Variants in N4BP2L2 observed in about 807,000 individuals in gnomAD.
N4BP2L2 encodes the protein NEDD4 binding protein 2 like 2.
In N4BP2L2, 50 loss-of-function variants were observed where a neutral mutation model predicts 56.2. That is an observed-to-expected ratio of 0.89 (90% confidence interval 0.71 to 1.13). N4BP2L2 has a LOEUF of 1.13. Among genes scored for constraint, N4BP2L2 ranks in the 50% most tolerant of loss-of-function variants. N4BP2L2 has a pLI of 0.00. For synonymous variants in N4BP2L2, 203 were observed against 223.6 expected (o/e 0.91, Z 0.82); for missense variants, 689 against 693.8 (o/e 0.99, Z 0.08).
At chr13:32,517,747 C>T (rs1051765663) in exon 6 of N4BP2L2, 5 of 1,590,996 alleles carry the variant, frequency 3.1e-6, no homozygotes, top group Admixed American at 3.5e-5. Context: ...CCAAGACAGG[C>T]TCACTAACTC....
chr13:32,450,870 T>TTCTC (rs534768522), intron 6 of N4BP2L2, among the ~76,000 whole-genome samples: 3,381 of 59,880 alleles, frequency 0.056, 84 homozygotes, highest in Middle Eastern at 0.08. Context: ...CCCCATCCCC[T>TTCTC]TCTCTCTCTC....
chr13:32,436,856 A>ATATC (rs1555233048), intron 8 of N4BP2L2, among the ~76,000 whole-genome samples: 92 of 139,346 alleles, frequency 6.6e-4, no homozygotes, highest in Non-Finnish European at 1.2e-3. Flanking sequence ...TAAATATCTA[A>ATATC]TATCTATCTA....
intron 6 of N4BP2L2, among the ~76,000 whole-genome samples, chr13:32,445,175 C>T (rs1593430181): frequency 6.6e-6 from 1 of 152,022 alleles, no homozygotes. Context: ...CACTTGAACC[C>T]GGGAGGCACA....
chr13:32,501,990 A>G (rs2090096347), intron 6 of N4BP2L2, among the ~76,000 whole-genome samples: 1 of 152,134 alleles, frequency 6.6e-6, no homozygotes, highest in African/African-American at 2.4e-5. Context: ...ATCTATGCCA[A>G]TGAGGAATAT....
chr13:32,497,343 C>T (rs1593873221), intron 6 of N4BP2L2, among the ~76,000 whole-genome samples: 1 of 152,222 alleles, frequency 6.6e-6, no homozygotes, highest in East Asian at 1.9e-4. Flanking sequence ...GTCTACTCAT[C>T]TTTCTTTACA....
exon 6 of N4BP2L2, chr13:32,511,443 ATTAAG>A (rs2048118325): frequency 6.6e-6 from 1 of 152,210 alleles, no homozygotes; most frequent in Non-Finnish European, 1.5e-5. Flanking sequence ...TCATCATATA[ATTAAG>A]TTAATGTAAA....
At chr13:32,463,398 T>C (rs1428239932) in intron 6 of N4BP2L2, among the ~76,000 whole-genome samples, 1 of 152,066 alleles carries the variant, frequency 6.6e-6, no homozygotes. Context: ...GTGGGGTGGA[T>C]CACGGCTATA....
chr13:32,487,815 CTTTA>C (rs1242083799), intron 6 of N4BP2L2, among the ~76,000 whole-genome samples: 1 of 151,880 alleles, frequency 6.6e-6, no homozygotes, highest in Non-Finnish European at 1.5e-5. Context: ...TTTACAAGCT[CTTTA>C]TTTTTCTGAA....
intron 6 of N4BP2L2, among the ~76,000 whole-genome samples, chr13:32,445,807 T>C (rs2076970592): frequency 6.6e-6 from 1 of 152,248 alleles, no homozygotes; most frequent in South Asian, 2.1e-4. Flanking sequence ...TGAAAGTTCA[T>C]AGCTCCCTTT....
chr13:32,523,756 C>G (rs1200034216), intron 3 of N4BP2L2: 1 of 151,322 alleles, frequency 6.6e-6, no homozygotes, highest in Non-Finnish European at 1.5e-5. Context: ...TAAGTGGGAG[C>G]TAAGCTATGA....
Position 32,536,223 on chromosome 13 carries a change from G to A in N4BP2L2, c.805C>T (p.Gln269Ter), listed in dbSNP as rs762570814. The A allele has an allele frequency of 2.5e-6, 4 of 1,613,752 alleles. No homozygotes were observed. In the Admixed American group the frequency reaches 6.7e-5, roughly 27 times the overall value. Residue 269 changes from glutamine to a stop codon, truncating the protein, a stop_gained, in exon 2 of 6, where the codon CAG becomes TAG. Transcript: ENST00000267068. LOFTEE classifies it high-confidence loss of function. ...GGCACTATAAAAGGATATACTGACT[G>A]CCATTCAGGCCTGAAAGAAGTAAAT...
Position 32,477,832 on chromosome 13 carries a change from A to G in N4BP2L2, c.366-33706T>C, listed in dbSNP as rs1022629930. On this transcript the variant is annotated intron_variant, in intron 6 of 9. Transcript: ENST00000357505. ...GAGAAATACTCAGCGGATTATTGGC[A>G]TAGTTGTTTGCACTGGATTTGAAAC... is the stretch of plus-strand genomic sequence containing the variant. 5 of 1,271,970 alleles carry G rather than the reference A, an allele frequency of 3.9e-6. 1 individual carries two copies. In the African/African-American group the frequency reaches 6.1e-5, roughly 16 times the overall value. 78.8% of individuals were successfully genotyped at this position (1,271,970 alleles called of 1,614,324 possible).
chr13:32,478,198 C>T (rs1023946433), intron 6 of N4BP2L2: 4 of 509,720 alleles, frequency 7.8e-6, no homozygotes, highest in African/African-American at 6.0e-5. Context: ...TCTAATAAAA[C>T]AGGAATATTA....
At chr13:32,439,057 G>A (rs2075873152) in intron 7 of N4BP2L2, among the ~76,000 whole-genome samples, 2 of 152,116 alleles carry the variant, frequency 1.3e-5, no homozygotes, top group Non-Finnish European at 2.9e-5. Flanking sequence ...TCAAGTACAT[G>A]CCATTTCCAA....
At chr13:32,449,840 G>A (rs1566038490) in intron 6 of N4BP2L2, among the ~76,000 whole-genome samples, 1 of 152,142 alleles carries the variant, frequency 6.6e-6, no homozygotes, top group Non-Finnish European at 1.5e-5. Context: ...AAACAGTTGA[G>A]TTAGAAGAAC....
intron 6 of N4BP2L2, among the ~76,000 whole-genome samples, chr13:32,468,742 A>G (rs558875555): frequency 6.6e-5 from 10 of 152,346 alleles, no homozygotes; most frequent in Admixed American, 3.3e-4. Flanking sequence ...CGGAGCCACT[A>G]TTCTTTGAGA....
At chr13:32,442,480 G>C (rs1424515964) in exon 7 of N4BP2L2, 1 of 1,613,470 alleles carries the variant, frequency 6.2e-7, no homozygotes, top group East Asian at 2.2e-5. Flanking sequence ...GTCAGTGCTT[G>C]TTAAGTCTTG....
intron 2 of N4BP2L2, among the ~76,000 whole-genome samples, chr13:32,532,582 T>G (rs1032325324): frequency 6.8e-6 from 1 of 146,810 alleles, no homozygotes; most frequent in African/African-American, 2.7e-5. Context: ...GATTCTCTTT[T>G]CTTTTTTCTT....
chr13:32,530,697 G>C (rs2054490077), intron 2 of N4BP2L2, among the ~76,000 whole-genome samples: 2 of 151,904 alleles, frequency 1.3e-5, no homozygotes, highest in Admixed American at 1.3e-4. Context: ...AATAATTTTG[G>C]CAAGTTAGAT....
Sources: allele counts gnomAD v4.1 joint callset (sites outside exome capture counted in the v4.1 genomes callset), GRCh38; gene constraint gnomAD v4.1.1; transcripts MANE v1.5; gene names NCBI Gene and HGNC (gene_info 2026-07-23, HGNC 2026-07-21).